TLR1: variants seen among roughly 807,000 people sequenced by gnomAD.
TLR1 encodes toll-like receptor 1.
TLR1 carries 19 observed loss-of-function variants against 20.2 expected under a neutral mutation model. The ratio of observed to expected loss-of-function variants is 0.94; its 90% CI spans 0.66 to 1.38. TLR1 has a LOEUF of 1.38. Among genes scored for constraint, TLR1 ranks in the 40% most tolerant of loss-of-function variants. The pLI is 0.00. For synonymous variants in TLR1, 320 were observed against 334.5 expected (o/e 0.96, Z 0.47); for missense variants, 921 against 910.0 (o/e 1.01, Z -0.16).
Position 38,798,421 on chromosome 4 carries a change from A to G in TLR1, c.411T>C (p.Asn137=), listed in dbSNP as rs1726340866. 1.2e-6 allele frequency: 2 copies of G among 1,613,472 alleles called. No homozygotes were observed. Among genetic ancestry groups the G allele is most frequent in the East Asian group, 4.5e-5 (2 of 44,874 alleles). The change falls in exon 4 of 4, where the codon AAT becomes AAC. Residue 137 remains asparagine, a synonymous_variant. Transcript: ENST00000308979. ...ACCCCAGAAATTTTAGTTGAGACAT[A>G]TTGCCAAACTCTTTGCATATAGGCA... ...DALPICKEFG[N]MSQLKFLGLS... is the part of the protein sequence containing the mutation.
Position 38,797,374 on chromosome 4 carries a change from A to C in TLR1, c.1458T>G (p.Cys486Trp), listed in dbSNP as rs774828255. 65 of 1,614,016 alleles carry C rather than the reference A, an allele frequency of 4.0e-5. No individual in the cohort carries two copies. The South Asian group carries it at 7.0e-4, about 17-fold the overall frequency. The change falls in exon 4 of 4, where the codon TGT (cysteine) becomes TGG (tryptophan). Residue 486 changes from cysteine to tryptophan, a missense_variant. Transcript: ENST00000308979. The part of the protein sequence containing the change: ...AFNSLTDLPG[C>W]GSFSSLSVLI... ...ATACAGAAAGGCTGCTAAAGCTGCCACATCCAGGAAGGTCAGTTAAAGAAT... is the reference window on the plus strand; with the variant it reads ...ATACAGAAAGGCTGCTAAAGCTGCCCCATCCAGGAAGGTCAGTTAAAGAAT...
chr4:38,791,121 CT>C, exon 4 of TLR1: 1 of 152,342 alleles, frequency 6.6e-6, no homozygotes. Context: ...GCAGTGCGAG[CT>C]TGTCCAAAGT....
At chr4:38,801,640 G>A (rs1579214270) in intron 2 of TLR1, among the ~76,000 whole-genome samples, 1 of 152,280 alleles carries the variant, frequency 6.6e-6, no homozygotes, top group East Asian at 1.9e-4. Context: ...GCACAGTCAG[G>A]CGTGGTATTC....
Position 38,797,811 on chromosome 4 carries a change from T to A in TLR1, c.1021A>T (p.Met341Leu). 3.7e-6 allele frequency: 6 copies of A among 1,614,192 alleles called. No homozygotes were observed. Among genetic ancestry groups the A allele is most frequent in the Non-Finnish European group, 5.1e-6 (6 of 1,180,006 alleles). The change falls in exon 4 of 4, where the codon ATG becomes TTG. Residue 341 changes from methionine to leucine, a missense_variant. By Grantham distance (15) the Met-to-Leu change is conservative. Transcript: ENST00000308979. ...GGGCTAATTTTGGATGGGCAAAGCA[T>A]GTGGACCATGCGTGTACCAGACACT... ...FTVSGTRMVH[M>L]LCPSKISPFL...
downstream of TLR1, among the ~76,000 whole-genome samples, chr4:38,793,438 T>G (rs1018163651): frequency 6.6e-6 from 1 of 152,176 alleles, no homozygotes. Flanking sequence ...GCTTGCATAT[T>G]TACCCATTCT....
chr4:38,794,071 C>G (rs761704221), downstream of TLR1, among the ~76,000 whole-genome samples: 1 of 152,154 alleles, frequency 6.6e-6, no homozygotes, highest in African/African-American at 2.4e-5. Flanking sequence ...TTTGGACTTT[C>G]AGCCTCCAGA....
chr4:38,789,180 C>T (rs1176675889), downstream of TLR1, among the ~76,000 whole-genome samples: 3 of 152,172 alleles, frequency 2.0e-5, no homozygotes, highest in Non-Finnish European at 4.4e-5. Context: ...GTATACTGCA[C>T]TTTTCTTTCC....
downstream of TLR1, among the ~76,000 whole-genome samples, chr4:38,793,974 T>C (rs1403697611): frequency 6.6e-6 from 1 of 151,432 alleles, no homozygotes; most frequent in East Asian, 1.9e-4. Flanking sequence ...CATCTATGAG[T>C]TAAGAAAAGA....
chr4:38,793,878 C>T (rs1305255284), downstream of TLR1, among the ~76,000 whole-genome samples: 1 of 149,106 alleles, frequency 6.7e-6, no homozygotes, highest in Non-Finnish European at 1.5e-5. Context: ...TAATTGGTGT[C>T]CTTATTAAAA....
At chr4:38,799,480 T>G (rs1340061017) in intron 3 of TLR1, among the ~76,000 whole-genome samples, 1 of 152,138 alleles carries the variant, frequency 6.6e-6, no homozygotes, top group Non-Finnish European at 1.5e-5. Flanking sequence ...TGCTGACACC[T>G]TGAGTTTCGA....
At chr4:38,787,640 A>G (rs1277100307), downstream of TLR1, among the ~76,000 whole-genome samples, 2 of 152,184 alleles carry the variant, frequency 1.3e-5, no homozygotes, top group African/African-American at 4.8e-5. Flanking sequence ...GCAAGTACTC[A>G]ATATAAAAAA....
At chr4:38,793,368 G>A (rs1394070224), downstream of TLR1, among the ~76,000 whole-genome samples, 2 of 152,136 alleles carry the variant, frequency 1.3e-5, no homozygotes, top group African/African-American at 4.8e-5. Context: ...TAAGTAACTT[G>A]TCCAAGATCA....
downstream of TLR1, among the ~76,000 whole-genome samples, chr4:38,789,393 C>T (rs1250876632): frequency 2.0e-5 from 3 of 152,134 alleles, no homozygotes; most frequent in African/African-American, 7.2e-5. Flanking sequence ...AAACATTTAC[C>T]AGCACACTAC....
In TLR1 at chr4:38,798,242, G is replaced by A. The variant is rs1448850339; in HGVS notation, c.590C>T (p.Pro197Leu). The change falls in exon 4 of 4, where the codon CCC (proline) becomes CTC (leucine). Residue 197 changes from proline to leucine, a missense_variant. Coordinates refer to ENST00000308979, the MANE Select transcript of TLR1 (RefSeq NM_003263.4). ...AATAAAATGGAATTCTTTGTTTGTGGGGAACACAATGTGCAGACTCTCAGT... is the reference window on the plus strand; with the variant it reads ...AATAAAATGGAATTCTTTGTTTGTGAGGAACACAATGTGCAGACTCTCAGT... The part of the protein sequence containing the change: ...FNTESLHIVF[P>L]TNKEFHFILD... The A allele has an allele frequency of 6.2e-7, 1 of 1,613,584 alleles. No homozygotes were observed. The highest frequency in any genetic ancestry group is 1.1e-5 in the South Asian group (1 of 90,982).
Position 38,798,685 on chromosome 4 carries a change from G to C in TLR1, c.147C>G (p.Ile49Met). The C allele has an allele frequency of 6.2e-7, 1 of 1,614,058 alleles. No individual in the cohort carries two copies. The highest frequency in any genetic ancestry group is 8.5e-7 in the Non-Finnish European group (1 of 1,179,964). The change falls in exon 4 of 4, where the codon ATC (isoleucine) becomes ATG (methionine). Residue 49 changes from isoleucine (I) to methionine (M), a missense_variant. Physicochemically the swap from Ile to Met is conservative, Grantham distance 10 (BLOSUM62 1). Transcript: ENST00000308979. ...ATATATAATTTTGCGATATATTTAA[G>C]ATTGTTGTTTTCTGGGATAGGTCTT... ...VPKDLSQKTT[I>M]LNISQNYISE...
In TLR1 at chr4:38,798,328, C is replaced by G. The variant is rs775138312; in HGVS notation, c.504G>C (p.Leu168Phe). The change falls in exon 4 of 4, where the codon TTG (leucine) becomes TTC (phenylalanine). Residue 168 changes from leucine (L) to phenylalanine (F), a missense_variant. Coordinates refer to ENST00000308979, the MANE Select transcript of TLR1 (RefSeq NM_003263.4). ...CCCCATAAGTCTCTCCTAAGACCAG[C>G]AAGACCTTGCTGATATTCAAATGAG... is the stretch of plus-strand genomic sequence containing the variant. Reference protein sequence around the residue: ...PIAHLNISKVLLVLGETYGEK... With the variant: ...PIAHLNISKVFLVLGETYGEK... 3.7e-6 allele frequency: 6 copies of G among 1,613,802 alleles called. No homozygotes were observed. The African/African-American group carries it at 4.0e-5, about 11-fold the overall frequency.
chr4:38,792,338 AAAAC>A (rs1294696795), downstream of TLR1, among the ~76,000 whole-genome samples: 1 of 152,226 alleles, frequency 6.6e-6, no homozygotes. Flanking sequence ...TATAAAAACA[AAAAC>A]AAACACCAGT....
In TLR1 at chr4:38,797,817, C is replaced by G. The variant is rs756961178; in HGVS notation, c.1015G>C (p.Val339Leu). 2 of 1,614,108 alleles carry G rather than the reference C, an allele frequency of 1.2e-6. No individual in the cohort carries two copies. Among genetic ancestry groups the G allele is most frequent in the South Asian group, 2.2e-5 (2 of 91,086 alleles). ...ATTTTGGATGGGCAAAGCATGTGGACCATGCGTGTACCAGACACTGTGAAA... is the reference window on the plus strand; with the variant it reads ...ATTTTGGATGGGCAAAGCATGTGGAGCATGCGTGTACCAGACACTGTGAAA... ...KNFTVSGTRM[V>L]HMLCPSKISP... Residue 339 changes from valine (V) to leucine (L), a missense_variant, in exon 4 of 4, where the codon GTC becomes CTC. Val to Leu is a conservative substitution (Grantham distance 32, BLOSUM62 1). Coordinates refer to ENST00000308979, the MANE Select transcript of TLR1 (RefSeq NM_003263.4).
intron 3 of TLR1, among the ~76,000 whole-genome samples, chr4:38,799,739 C>T (rs1726503372): frequency 6.6e-6 from 1 of 152,172 alleles, no homozygotes; most frequent in Admixed American, 6.5e-5. Flanking sequence ...CCTTTATGAC[C>T]TATACACGGT....
Sources: allele counts gnomAD v4.1 joint callset (sites outside exome capture counted in the v4.1 genomes callset), GRCh38; gene constraint gnomAD v4.1.1; transcripts MANE v1.5; gene names NCBI Gene and HGNC (gene_info 2026-07-23, HGNC 2026-07-21).